ABRACL: variants seen among roughly 807,000 people sequenced by gnomAD.
ABRACL encodes the protein ABRA C-terminal like.
ABRACL carries 4 observed loss-of-function variants against 7.0 expected under a neutral mutation model. The ratio of observed to expected loss-of-function variants is 0.57; its 90% confidence interval spans 0.28 to 1.30. The LOEUF is 1.30. Ranked by LOEUF, ABRACL falls within the 50% of genes most tolerant of loss-of-function variation. The pLI, the probability that ABRACL is intolerant of heterozygous loss-of-function variation, is 0.10. For synonymous variants in ABRACL, 30 were observed against 36.0 expected (o/e 0.83, Z 0.60); for missense variants, 104 against 97.3 (o/e 1.07, Z -0.29).
chr6:139,030,150 C>G (rs1316396272), intron 1 of ABRACL, among the ~76,000 whole-genome samples: 1 of 150,566 alleles, frequency 6.6e-6, no homozygotes, highest in East Asian at 1.9e-4. Flanking sequence ...CACCTCTCCT[C>G]ATTGTTCTTT....
At chr6:139,039,844 G>T (rs968444694) in intron 2 of ABRACL, among the ~76,000 whole-genome samples, 3 of 152,158 alleles carry the variant, frequency 2.0e-5, no homozygotes, top group African/African-American at 4.8e-5. Flanking sequence ...TGATGAGGTG[G>T]CTCACACCTG....
intron 2 of ABRACL, among the ~76,000 whole-genome samples, chr6:139,041,418 C>T (rs1337540787): frequency 1.5e-5 from 2 of 131,922 alleles, no homozygotes; most frequent in Middle Eastern, 3.4e-3. Flanking sequence ...TGCATTCCAC[C>T]AGACCCATCT....
chr6:139,032,733 A>G (rs1489919373), intron 1 of ABRACL, among the ~76,000 whole-genome samples: 1 of 152,210 alleles, frequency 6.6e-6, no homozygotes, highest in Non-Finnish European at 1.5e-5. Flanking sequence ...ATTTGAAAAA[A>G]TTATGATTTG....
intron 2 of ABRACL, among the ~76,000 whole-genome samples, chr6:139,035,501 G>A (rs75046134): frequency 0.018 from 2,571 of 144,296 alleles, 75 homozygotes; most frequent in African/African-American, 0.06. Context: ...TTTTTTTTTC[G>A]AGAGAGAATC....
At position 139,034,217 on chromosome 6, in the gene ABRACL, A is replaced by G. The variant is rs751717127; in HGVS notation, c.57A>G (p.Ser19=). Residue 19 remains serine, a synonymous_variant, in exon 2 of 3, where the codon TCA becomes TCG. Transcript: ENST00000367660. Reference sequence around the variant, plus strand: ...TGGAGGAAATTCATCGTTTGGGTTCAAAAAGTAAGTATCTGACAGAGATAG... The same window carrying G: ...TGGAGGAAATTCATCGTTTGGGTTCGAAAAGTAAGTATCTGACAGAGATAG... ...LLVEEIHRLG[S]KNADGKLSVK... The G allele has an allele frequency of 1.1e-5, 18 of 1,614,100 alleles. No homozygotes were observed. In the Admixed American group the frequency reaches 2.5e-4, roughly 22 times the overall value.
chr6:139,029,600 A>G (rs1786048372), intron 1 of ABRACL, among the ~76,000 whole-genome samples: 1 of 152,054 alleles, frequency 6.6e-6, no homozygotes, highest in African/African-American at 2.4e-5. Context: ...GCCGGCGGTG[A>G]CCGTGTGATG....
At chr6:139,041,315 A>C (rs149462328) in intron 2 of ABRACL, among the ~76,000 whole-genome samples, 1 of 150,778 alleles carries the variant, frequency 6.6e-6, no homozygotes, top group East Asian at 1.9e-4. Flanking sequence ...CCCAGGCTAG[A>C]GTGCACTAGC....
chr6:139,030,748 A>C (rs1383922836), intron 1 of ABRACL, among the ~76,000 whole-genome samples: 1 of 152,220 alleles, frequency 6.6e-6, no homozygotes, highest in Non-Finnish European at 1.5e-5. Context: ...CAAAAGAGGA[A>C]GAGGAAGCGG....
intron 1 of ABRACL, among the ~76,000 whole-genome samples, chr6:139,032,396 T>C (rs535344805): frequency 6.6e-6 from 1 of 152,362 alleles, no homozygotes; most frequent in East Asian, 1.9e-4. Flanking sequence ...TCCTCAATAT[T>C]TGAACACTAT....
chr6:139,036,376 G>C (rs1786156571), intron 2 of ABRACL, among the ~76,000 whole-genome samples: 1 of 152,122 alleles, frequency 6.6e-6, no homozygotes, highest in African/African-American at 2.4e-5. Context: ...GTAACATACA[G>C]ATTCTAGGGA....
intron 1 of ABRACL, among the ~76,000 whole-genome samples, chr6:139,031,724 A>G (rs950468883): frequency 2.0e-5 from 3 of 152,212 alleles, no homozygotes; most frequent in African/African-American, 4.8e-5. Flanking sequence ...GCAAAATCAC[A>G]GGGCTGAACC....
intron 1 of ABRACL, among the ~76,000 whole-genome samples, chr6:139,030,327 C>A (rs1786062454): frequency 1.3e-5 from 2 of 152,288 alleles, no homozygotes; most frequent in Non-Finnish European, 1.5e-5. Context: ...AGTGTACAAT[C>A]CATTAATGTG....
intron 2 of ABRACL, among the ~76,000 whole-genome samples, chr6:139,037,883 TCTC>T (rs1216924177): frequency 6.6e-6 from 1 of 151,522 alleles, no homozygotes; most frequent in African/African-American, 2.4e-5. Flanking sequence ...TTCAAACAAT[TCTC>T]CTGCCTCAGC....
rs779344089 is a variant in ABRACL at position 139,042,760 on chromosome 6, C to T, written c.103C>T (p.Arg35Cys). 31 of 1,612,780 alleles carry T rather than the reference C, an allele frequency of 1.9e-5. No homozygotes were observed. The highest frequency in any genetic ancestry group is 3.3e-5 in the South Asian group (3 of 90,682). Residue 35 changes from arginine (R) to cysteine (C), a missense_variant, in exon 3 of 3, where the codon CGT (arginine) becomes TGT (cysteine). Physicochemically the swap from Arg to Cys is radical, Grantham distance 180. Transcript: ENST00000367660. ...AAGCGTGAAATTTGGGGTCCTCTTC[C>T]GTGATGATAAATGTGCCAACCTCTT... ...KLSVKFGVLF[R>C]DDKCANLFEA...
intron 2 of ABRACL, among the ~76,000 whole-genome samples, chr6:139,036,109 A>G (rs904793796): frequency 1.3e-5 from 2 of 151,248 alleles, no homozygotes; most frequent in African/African-American, 2.4e-5. Context: ...GTCTCAACAA[A>G]CAAACAAACA....
rs1049002397 is a variant in ABRACL, at chr6:139,037,663, C to A, written c.61+3442C>A. Among the ~76,000 whole-genome samples the A allele has an allele frequency of 2.6e-5, 4 of 152,278 alleles. No individual in the cohort carries two copies. The South Asian group carries it at 6.2e-4, about 24-fold the overall frequency. On this transcript the variant is annotated intron_variant, in intron 2 of 2. Transcript: ENST00000367660. ...CCCACTTGATGGAGGCCTGATGAGT[C>A]TTATTTTCCATAGTGATGTCCCTCC...
rs1786100115 is a variant in ABRACL, at chr6:139,032,672, C to T, written c.-6-1483C>T. Among the ~76,000 whole-genome samples the T allele has an allele frequency of 2.0e-5, 3 of 152,156 alleles. 1 individual carries two copies. In the South Asian group the frequency reaches 6.2e-4, roughly 31 times the overall value. On this transcript the variant is annotated intron_variant, in intron 1 of 2. Transcript: ENST00000367660. ...GATAAAGTTGTTTCTTCCAAATTAT[C>T]ACCCCAAAGGAAACCATACACACAA...
intron 2 of ABRACL, among the ~76,000 whole-genome samples, chr6:139,037,997 G>A (rs769023214): frequency 8.6e-5 from 13 of 152,032 alleles, no homozygotes; most frequent in Admixed American, 2.0e-4. Context: ...GGCTGGTCTC[G>A]AACTCCTGGC....
intron 2 of ABRACL, among the ~76,000 whole-genome samples, chr6:139,037,028 GAA>G (rs11287492): frequency 4.0e-5 from 6 of 149,298 alleles, no homozygotes; most frequent in African/African-American, 7.4e-5. Flanking sequence ...GCAATTATCC[GAA>G]AAAAAAAATG....
Sources: gnomAD v4.1 joint callset for allele counts (sites outside exome capture counted in the v4.1 genomes callset) on GRCh38, gnomAD v4.1.1 for gene constraint, MANE v1.5 for transcripts, NCBI Gene and HGNC (gene_info 2026-07-23, HGNC 2026-07-21) for gene names.